Variants in LRMDA observed in about 807,000 individuals in gnomAD.
LRMDA encodes leucine-rich melanocyte differentiation-associated protein.
In LRMDA, 18 loss-of-function variants were observed where a neutral mutation model predicts 29.8. The ratio of observed to expected loss-of-function variants is 0.60; its 90% CI spans 0.42 to 0.90. The LOEUF is 0.90. Ranked by LOEUF, LRMDA falls within the 40% of genes least tolerant of loss-of-function variation. The probability of loss-of-function intolerance (pLI) is 0.00; values close to 1 mark genes in which losing one functional copy is unlikely to be tolerated. For missense variants in LRMDA, 273 were observed against 273.9 expected (o/e 1.00, Z 0.02); for synonymous variants, 125 against 109.4 (o/e 1.14, Z -0.89).
At chr10:75,895,402 C>G (rs1845564760) in intron 2 of LRMDA, among the ~76,000 whole-genome samples, 1 of 152,136 alleles carries the variant, frequency 6.6e-6, no homozygotes, top group South Asian at 2.1e-4. Context: ...TCACAAAAAC[C>G]CTGTGAAGTA....
intron 5 of LRMDA, among the ~76,000 whole-genome samples, chr10:76,105,658 T>TC (rs1420105053): frequency 6.6e-6 from 1 of 152,122 alleles, no homozygotes; most frequent in Non-Finnish European, 1.5e-5. Context: ...GGATGGATTC[T>TC]CCCCTAGAGC....
At chr10:75,616,625 A>G (rs1401442075) in intron 2 of LRMDA, among the ~76,000 whole-genome samples, 2 of 152,178 alleles carry the variant, frequency 1.3e-5, no homozygotes, top group East Asian at 3.9e-4. Flanking sequence ...TATCTTCTTT[A>G]CTATGTTTGA....
intron 5 of LRMDA, among the ~76,000 whole-genome samples, chr10:76,127,329 C>A (rs1201399119): frequency 6.6e-6 from 1 of 152,176 alleles, no homozygotes; most frequent in Non-Finnish European, 1.5e-5. Flanking sequence ...GCACTCTTAA[C>A]CAACTTGCAT....
intron 2 of LRMDA, among the ~76,000 whole-genome samples, chr10:75,453,282 C>T (rs1305085132): frequency 6.6e-6 from 1 of 152,174 alleles, no homozygotes; most frequent in African/African-American, 2.4e-5. Context: ...TTTGTCTCTG[C>T]CTGGAGTCTC....
chr10:76,170,333 G>GTC (rs1159191026), intron 5 of LRMDA, among the ~76,000 whole-genome samples: 2 of 152,180 alleles, frequency 1.3e-5, no homozygotes. Flanking sequence ...ATAGGTATAT[G>GTC]GTGAAGTCTG....
intron 4 of LRMDA, 58 bp from the exon 5 acceptor site, chr10:76,058,608 G>C (rs868285115): frequency 7.3e-7 from 1 of 1,366,102 alleles, no homozygotes; most frequent in Non-Finnish European, 1.0e-6. Flanking sequence ...ACAAGCTGTC[G>C]GGATCTCTGA....
chr10:76,531,068 T>G (rs1184967343), intron 6 of LRMDA, among the ~76,000 whole-genome samples: 2 of 152,158 alleles, frequency 1.3e-5, no homozygotes, highest in Non-Finnish European at 2.9e-5. Context: ...ATGCCTTTCC[T>G]GTTACTGTTA....
At chr10:76,547,911 G>C (rs1843441727) in intron 6 of LRMDA, among the ~76,000 whole-genome samples, 2 of 152,046 alleles carry the variant, frequency 1.3e-5, no homozygotes, top group African/African-American at 4.8e-5. Context: ...AGGAGAGAAG[G>C]GAAATACACT....
intron 2 of LRMDA, among the ~76,000 whole-genome samples, chr10:76,023,495 A>G (rs1330244534): frequency 6.6e-6 from 1 of 152,144 alleles, no homozygotes; most frequent in East Asian, 1.9e-4. Context: ...TTTTTACTGA[A>G]TGGTGGAACA....
At chr10:76,479,408 G>T (rs1380597756) in intron 6 of LRMDA, among the ~76,000 whole-genome samples, 2 of 151,836 alleles carry the variant, frequency 1.3e-5, no homozygotes, top group Non-Finnish European at 1.5e-5. Context: ...GCTCAGAAGG[G>T]CCCAGGCTTG....
intron 2 of LRMDA, among the ~76,000 whole-genome samples, chr10:75,914,190 G>A (rs1301243277): frequency 6.6e-6 from 1 of 152,130 alleles, no homozygotes; most frequent in Non-Finnish European, 1.5e-5. Context: ...ACGCATACTT[G>A]TAAAAGGATC....
chr10:76,332,159 C>T (rs868342360), intron 6 of LRMDA, among the ~76,000 whole-genome samples: 4 of 152,120 alleles, frequency 2.6e-5, no homozygotes, highest in Non-Finnish European at 2.9e-5. Context: ...TTAAAACTTC[C>T]GCATATATAT....
At chr10:76,245,635 G>T (rs928407695) in intron 5 of LRMDA, among the ~76,000 whole-genome samples, 1 of 152,210 alleles carries the variant, frequency 6.6e-6, no homozygotes, top group Non-Finnish European at 1.5e-5. Flanking sequence ...TAAACCTGAG[G>T]CTTGGAGGTG....
chr10:76,307,372 T>C (rs1209775351), intron 5 of LRMDA, among the ~76,000 whole-genome samples: 2 of 151,734 alleles, frequency 1.3e-5, no homozygotes, highest in Non-Finnish European at 2.9e-5. Context: ...AAGATAATGA[T>C]GAGATGTTTT....
chr10:75,668,169 T>G (rs1841846601), intron 2 of LRMDA, among the ~76,000 whole-genome samples: 1 of 152,230 alleles, frequency 6.6e-6, no homozygotes. Context: ...CCTGCCTGGA[T>G]CTCTTGCCCT....
chr10:75,913,594 G>C (rs978055518), intron 2 of LRMDA, among the ~76,000 whole-genome samples: 5 of 152,222 alleles, frequency 3.3e-5, no homozygotes, highest in African/African-American at 1.2e-4. Context: ...TGCCTTTTGG[G>C]AGCCGGATGA....
chr10:76,472,571 GAAT>G (rs998469592), intron 6 of LRMDA, among the ~76,000 whole-genome samples: 7 of 151,370 alleles, frequency 4.6e-5, no homozygotes, highest in Non-Finnish European at 7.4e-5. Context: ...ATGAAATAAA[GAAT>G]AAAAAGCAAT....
chr10:76,335,513 C>T (rs1012284459), intron 6 of LRMDA, among the ~76,000 whole-genome samples: 5 of 152,160 alleles, frequency 3.3e-5, no homozygotes, highest in Non-Finnish European at 5.9e-5. Flanking sequence ...TAAGGATGCG[C>T]CTGTGACACA....
chr10:76,477,586 A>C (rs1339983948), intron 6 of LRMDA, among the ~76,000 whole-genome samples: 3 of 152,198 alleles, frequency 2.0e-5, no homozygotes, highest in African/African-American at 7.2e-5. Context: ...AAGAGCCCGC[A>C]TCGCCAAGGC....
Sources: gnomAD v4.1 joint callset for allele counts (sites outside exome capture counted in the v4.1 genomes callset) on GRCh38, gnomAD v4.1.1 for gene constraint, MANE v1.5 for transcripts, NCBI Gene and HGNC (gene_info 2026-07-23, HGNC 2026-07-21) for gene names.